The following AGBL1 variants were observed in gnomAD, a reference collection of about 807,000 sequenced individuals.
The protein encoded by AGBL1 is cytosolic carboxypeptidase 4.
In AGBL1, 130 loss-of-function variants were observed where a neutral mutation model predicts 118.9. The ratio of observed to expected loss-of-function variants is 1.09; its 90% CI spans 0.95 to 1.26. AGBL1 has a LOEUF of 1.26. Ranked by LOEUF, AGBL1 falls within the 50% of genes most tolerant of loss-of-function variation. The pLI is 0.00. For missense variants in AGBL1, 1,584 were observed against 1,298.1 expected, an observed-to-expected ratio of 1.22 and a Z score of -3.38; for synonymous variants, 555 against 478.9, an observed-to-expected ratio of 1.16 and a Z score of -2.08.
At chr15:86,079,785 G>A (rs931877632), upstream of AGBL1, 2 of 394,488 alleles carry the variant, frequency 5.1e-6, no homozygotes, top group Non-Finnish European at 4.4e-6. Context: ...AGTGGGAGTC[G>A]GTGGGTATTC....
At chr15:86,784,280 A>G (rs2078375242) in intron 22 of AGBL1, among the ~76,000 whole-genome samples, 1 of 152,322 alleles carries the variant, frequency 6.6e-6, no homozygotes, top group South Asian at 2.1e-4. Context: ...GAGGCAACCT[A>G]CTGATGGAAT....
At chr15:86,497,614 T>A (rs535402980) in intron 18 of AGBL1, among the ~76,000 whole-genome samples, 2 of 152,072 alleles carry the variant, frequency 1.3e-5, no homozygotes, top group South Asian at 4.2e-4. Context: ...GCCCCATCAT[T>A]TGGGAATAAA....
chr15:86,429,112 C>T (rs62012330), intron 18 of AGBL1, among the ~76,000 whole-genome samples: 7,292 of 152,270 alleles, frequency 0.048, 307 homozygotes, highest in Non-Finnish European at 0.066. Context: ...CCAAAGGGCA[C>T]CAATTCCTTG....
At chr15:86,576,683 G>A (rs1225602474) in intron 21 of AGBL1, among the ~76,000 whole-genome samples, 1 of 152,194 alleles carries the variant, frequency 6.6e-6, no homozygotes, top group Non-Finnish European at 1.5e-5. Flanking sequence ...ATTCCCATGT[G>A]TTGTGGGAGG....
At chr15:86,144,330 G>A (rs2077004350) in intron 3 of AGBL1, among the ~76,000 whole-genome samples, 1 of 152,078 alleles carries the variant, frequency 6.6e-6, no homozygotes, top group Non-Finnish European at 1.5e-5. Flanking sequence ...TATACCCAAA[G>A]GAATAGAAAT....
chr15:86,452,570 T>G, intron 18 of AGBL1, among the ~76,000 whole-genome samples: 1 of 152,272 alleles, frequency 6.6e-6, no homozygotes, highest in Admixed American at 6.5e-5. Context: ...TGGTGCAAAC[T>G]TTACCTATCC....
At chr15:86,949,159 T>C (rs2080853973) in intron 23 of AGBL1, among the ~76,000 whole-genome samples, 2 of 152,206 alleles carry the variant, frequency 1.3e-5, no homozygotes, top group Non-Finnish European at 1.5e-5. Flanking sequence ...TTTTCTTAAA[T>C]GAAAAAAATA....
intron 22 of AGBL1, among the ~76,000 whole-genome samples, chr15:86,732,809 C>T (rs968499305): frequency 6.6e-6 from 1 of 151,540 alleles, no homozygotes; most frequent in Non-Finnish European, 1.5e-5. Flanking sequence ...GTCTCATATC[C>T]TCATCTCTGA....
chr15:86,489,689 A>G (rs2082755484), intron 18 of AGBL1, among the ~76,000 whole-genome samples: 1 of 152,150 alleles, frequency 6.6e-6, no homozygotes, highest in Non-Finnish European at 1.5e-5. Flanking sequence ...TATCTTGACA[A>G]TAGCGGAGCT....
intron 1 of AGBL1, among the ~76,000 whole-genome samples, chr15:86,095,098 AG>A (rs1896273253): frequency 8.0e-6 from 1 of 124,454 alleles, no homozygotes; most frequent in African/African-American, 5.4e-5. Flanking sequence ...ATGAATAGTC[AG>A]ATGGAGAGGT....
intron 24 of AGBL1, among the ~76,000 whole-genome samples, chr15:86,989,910 G>T (rs1170741146): frequency 6.6e-6 from 1 of 152,178 alleles, no homozygotes; most frequent in Non-Finnish European, 1.5e-5. Flanking sequence ...AGTTGGTCAG[G>T]ATGGCGAAGG....
chr15:86,226,060 A>G (rs1206444333), intron 6 of AGBL1, among the ~76,000 whole-genome samples: 1 of 152,146 alleles, frequency 6.6e-6, no homozygotes, highest in East Asian at 1.9e-4. Context: ...GTGATATGAG[A>G]TCCACAGCTT....
At chr15:86,171,948 C>A (rs1249724875) in intron 5 of AGBL1, among the ~76,000 whole-genome samples, 1 of 152,174 alleles carries the variant, frequency 6.6e-6, no homozygotes, top group Non-Finnish European at 1.5e-5. Flanking sequence ...GAATAAAAAA[C>A]CAAACATCTT....
intron 18 of AGBL1, among the ~76,000 whole-genome samples, chr15:86,407,117 C>T (rs967246359): frequency 1.3e-5 from 2 of 152,170 alleles, no homozygotes; most frequent in Non-Finnish European, 2.9e-5. Context: ...TCAACCTTTT[C>T]ATTTTCTGTC....
In AGBL1 at chr15:86,352,817, G is replaced by A. The variant is rs571436717; in HGVS notation, c.2375-44549G>A. On this transcript the variant is annotated intron_variant, in intron 17 of 22. Coordinates refer to ENST00000614907, the MANE Select transcript of AGBL1 (RefSeq NM_001386094.1). ...TCTTTACTCTTTAGGCCCATGGTTT[G>A]GGCCTCTCAAAGAAAGGATTAGCAC... is the stretch of plus-strand genomic sequence containing the variant. Among the ~76,000 whole-genome samples the A allele has an allele frequency of 3.3e-5, 5 of 152,134 alleles. No homozygotes were observed. The East Asian group carries it at 9.7e-4, about 29-fold the overall frequency.
At chr15:86,976,975 G>A (rs1421225395) in intron 23 of AGBL1, among the ~76,000 whole-genome samples, 2 of 151,800 alleles carry the variant, frequency 1.3e-5, no homozygotes, top group Non-Finnish European at 2.9e-5. Context: ...TATATTTTCT[G>A]AATTTGTTGA....
intron 21 of AGBL1, among the ~76,000 whole-genome samples, chr15:86,612,684 C>T (rs903783862): frequency 2.0e-5 from 3 of 152,202 alleles, no homozygotes; most frequent in Admixed American, 6.5e-5. Flanking sequence ...CCCTGCAAAG[C>T]TGTCTCTTGT....
intron 18 of AGBL1, among the ~76,000 whole-genome samples, chr15:86,441,011 T>C (rs541620504): frequency 6.6e-6 from 1 of 152,010 alleles, no homozygotes; most frequent in South Asian, 2.1e-4. Context: ...ACAGATGGAG[T>C]AAAGACCTAA....
chr15:86,585,886 G>T (rs1052574782), intron 21 of AGBL1, among the ~76,000 whole-genome samples: 22 of 152,184 alleles, frequency 1.4e-4, no homozygotes, highest in African/African-American at 5.1e-4. Context: ...GTGAGACAAG[G>T]AGCTCAGAGT....
Sources: gnomAD v4.1 joint callset for allele counts (sites outside exome capture counted in the v4.1 genomes callset) on GRCh38, gnomAD v4.1.1 for gene constraint, MANE v1.5 for transcripts, NCBI Gene and HGNC (gene_info 2026-07-23, HGNC 2026-07-21) for gene names.